CFAP251: variants seen among roughly 807,000 people sequenced by gnomAD.
CFAP251 encodes the protein cilia and flagella associated protein 251, also known as cilia- and flagella-associated protein 251.
A neutral mutation model predicts 126.7 loss-of-function variants in CFAP251; 93 were observed. The observed-to-expected ratio is 0.73, with a 90% CI of 0.62 to 0.87. The LOEUF (loss-of-function observed/expected upper bound fraction) is 0.87. Among genes scored for constraint, CFAP251 ranks in the 40% least tolerant of loss-of-function variants. CFAP251 has a pLI of 0.00. For missense variants in CFAP251, 1,287 were observed against 1,389.2 expected (o/e 0.93, Z 1.17); for synonymous variants, 503 against 506.9 (o/e 0.99, Z 0.10).
intron 5 of CFAP251, among the ~76,000 whole-genome samples, chr12:121,940,662 C>T (rs913663210): frequency 3.3e-5 from 5 of 152,188 alleles, no homozygotes; most frequent in East Asian, 3.8e-4. Flanking sequence ...CTTCCATCTT[C>T]GCTTCCACTG....
intron 19 of CFAP251, among the ~76,000 whole-genome samples, chr12:121,983,242 A>C (rs1882667209): frequency 6.6e-6 from 1 of 151,932 alleles, no homozygotes; most frequent in East Asian, 1.9e-4. Flanking sequence ...TCTCAAAAAA[A>C]AATTAGTTGG....
At chr12:121,977,960 GAAAAAT>G (rs1882510463) in intron 19 of CFAP251, among the ~76,000 whole-genome samples, 1 of 146,750 alleles carries the variant, frequency 6.8e-6, no homozygotes. Flanking sequence ...CTCCATCTCA[GAAAAAT>G]AAAAATAAAT....
chr12:121,928,644 A>ATATACG (rs1555215927), intron 3 of CFAP251, among the ~76,000 whole-genome samples: 14 of 35,384 alleles, frequency 4.0e-4, no homozygotes, highest in East Asian at 2.6e-3. Context: ...ATACGTATAT[A>ATATACG]TATATATATA....
rs564629198 is a variant in CFAP251, at chr12:121,934,173, C to T, written c.889-74C>T. 90 of 1,162,818 alleles carry T rather than the reference C, an allele frequency of 7.7e-5. No homozygotes were observed. In the South Asian group the frequency reaches 7.9e-4, roughly 10 times the overall value. The allele number at this position is 1,162,818 out of a possible 1,614,324, so 72.0% of individuals were successfully genotyped here. On this transcript the variant is annotated intron_variant, in intron 4 of 21. Transcript: ENST00000288912. Reference sequence around the variant, plus strand: ...GAGCTCAGATCTTTCTGTGGGTCCCCGGCCTTTGCTGATAGTGGCCAAGGC... The same window carrying T: ...GAGCTCAGATCTTTCTGTGGGTCCCTGGCCTTTGCTGATAGTGGCCAAGGC...
intron 21 of CFAP251, 119 bp downstream of exon 21, chr12:122,001,717 A>G: frequency 1.3e-6 from 1 of 775,828 alleles, no homozygotes; most frequent in Non-Finnish European, 2.3e-6. Flanking sequence ...CACATAACAA[A>G]GCATGTCTGT....
rs1355243465 is a variant in CFAP251 at position 121,992,221 on chromosome 12, T to C, written c.3007-7495T>C. On this transcript the variant is annotated intron_variant, in intron 19 of 21. Coordinates refer to ENST00000288912, the MANE Select transcript of CFAP251 (RefSeq NM_144668.6). ...ACAAGCTCTGCGTTCTATTTCCAGC[T>C]CCGAGGTTCCTCTCCCAAGCATGAA... 14 of 985,338 alleles carry C rather than the reference T, an allele frequency of 1.4e-5. No homozygotes were observed. In the East Asian group the frequency reaches 9.1e-4, roughly 64 times the overall value. 61.0% of individuals were successfully genotyped at this position (985,338 alleles called of 1,614,324 possible).
rs1486220307 is a variant in CFAP251, at chr12:121,975,552, A to G, written c.2873A>G (p.Asp958Gly). ...REGKFYRELE[D>G]YFYYSQLRSQ... is the part of the protein sequence containing the mutation. ...TGTATTCCTACATAGGAGCTAGAAG[A>G]CTACTTCTACTATTCTCAGCTCCGC... Residue 958 changes from aspartate to glycine, a missense_variant, in exon 19 of 22, where the codon GAC becomes GGC. Transcript: ENST00000288912. 1.2e-6 allele frequency: 2 copies of G among 1,608,368 alleles called. No homozygotes were observed. The highest frequency in any genetic ancestry group is 1.7e-5 in the Admixed American group (1 of 58,138).
In CFAP251 at chr12:122,001,482, CT is replaced by C. The variant is rs1305238119; in HGVS notation, c.3236-14del. 6.2e-7 allele frequency: 1 copy of C among 1,609,016 alleles called. No individual in the cohort carries two copies. The highest frequency in any genetic ancestry group is 1.1e-5 in the South Asian group (1 of 90,976). ...CAAGAGTTAAACAATCACCTTCTCA[CT>C]CTTTGACACACAGGTGAGCATATGA... On this transcript the variant is annotated splice_polypyrimidine_tract_variant and intron_variant, in intron 20 of 21. Transcript: ENST00000288912.
At chr12:121,927,431 G>A (rs1880462745) in intron 3 of CFAP251, among the ~76,000 whole-genome samples, 1 of 151,946 alleles carries the variant, frequency 6.6e-6, no homozygotes, top group Non-Finnish European at 1.5e-5. Context: ...TCATGTAGCT[G>A]GGATTATAGG....
rs749949583 is a variant in CFAP251 at position 121,921,519 on chromosome 12, A to G, written c.214A>G (p.Ile72Val). 5 of 1,613,766 alleles carry G rather than the reference A, an allele frequency of 3.1e-6. No homozygotes were observed. The highest frequency in any genetic ancestry group is 4.2e-6 in the Non-Finnish European group (5 of 1,179,882). Residue 72 changes from isoleucine to valine, a missense_variant, in exon 2 of 22, where the codon ATT becomes GTT. Ile to Val is a conservative substitution (Grantham distance 29). Transcript: ENST00000288912. ...GEEEGKEDKKIVMEETEEKAG... is the reference protein window; with the variant it reads ...GEEEGKEDKKVVMEETEEKAG... Reference sequence around the variant, plus strand: ...GGAGGAGGGGAAGGAGGACAAAAAGATTGTCATGGAAGAAACTGAGGAAAA... The same window carrying G: ...GGAGGAGGGGAAGGAGGACAAAAAGGTTGTCATGGAAGAAACTGAGGAAAA...
chr12:121,928,808 T>C (rs1412227628), intron 3 of CFAP251, among the ~76,000 whole-genome samples: 1 of 151,394 alleles, frequency 6.6e-6, no homozygotes, highest in African/African-American at 2.4e-5. Context: ...TCAATCCTCC[T>C]GCTTCAGCCT....
At chr12:122,003,102 G>T (rs900715213) in intron 21 of CFAP251, among the ~76,000 whole-genome samples, 29 of 152,132 alleles carry the variant, frequency 1.9e-4, no homozygotes, top group African/African-American at 6.5e-4. Context: ...ATGTGGTTAA[G>T]GCTTTCCAGT....
At chr12:121,992,565 T>C (rs1882900558) in intron 19 of CFAP251, 6 of 867,994 alleles carry the variant, frequency 6.9e-6, no homozygotes, top group Non-Finnish European at 8.3e-6. Context: ...TTTATATATA[T>C]TATTTCTTTT....
At position 121,954,306 on chromosome 12, in the gene CFAP251, G is replaced by T; in HGVS notation, c.1507G>T (p.Gly503Cys). 6.2e-7 allele frequency: 1 copy of T among 1,613,556 alleles called. No individual in the cohort carries two copies. The highest frequency in any genetic ancestry group is 1.1e-5 in the South Asian group (1 of 91,042). Reference protein sequence around the residue: ...PCKLVHLQKEGITVLTTIDSY... With the variant: ...PCKLVHLQKECITVLTTIDSY... ...TAAATTGGTTCATTTGCAGAAAGAG[G>T]GTATCACGGTACTTACCACAATTGA... The change falls in exon 10 of 22, where the codon GGT (glycine) becomes TGT (cysteine). Residue 503 changes from glycine to cysteine, a missense_variant. Coordinates refer to ENST00000288912, the MANE Select transcript of CFAP251 (RefSeq NM_144668.6).
At chr12:121,986,507 C>T (rs962080243) in intron 19 of CFAP251, among the ~76,000 whole-genome samples, 1 of 151,296 alleles carries the variant, frequency 6.6e-6, no homozygotes. Context: ...TTCACCGTCT[C>T]TACAGTGATC....
At chr12:121,955,561 C>G (rs927941253) in intron 10 of CFAP251, 3 of 152,108 alleles carry the variant, frequency 2.0e-5, no homozygotes, top group Admixed American at 2.0e-4. Flanking sequence ...TGGTGGCCAT[C>G]GTCAGTGTGT....
At position 121,957,620 on chromosome 12, in the gene CFAP251, T is replaced by C. The variant is rs565640747; in HGVS notation, c.1730+352T>C. ...TCGGGAGGCTGAGGCAGGAGAATGGTGTGAACCCGGGAGACGGAGCTTGCA... is the reference window on the plus strand; with the variant it reads ...TCGGGAGGCTGAGGCAGGAGAATGGCGTGAACCCGGGAGACGGAGCTTGCA... On this transcript the variant is annotated intron_variant, in intron 11 of 21. Coordinates refer to ENST00000288912, the MANE Select transcript of CFAP251 (RefSeq NM_144668.6). Among the ~76,000 whole-genome samples the C allele has an allele frequency of 1.3e-4, 19 of 146,826 alleles. No individual in the cohort carries two copies. The East Asian group carries it at 3.2e-3, about 25-fold the overall frequency.
At chr12:121,944,290 T>C (rs1466860083) in intron 7 of CFAP251, among the ~76,000 whole-genome samples, 1 of 152,180 alleles carries the variant, frequency 6.6e-6, no homozygotes, top group African/African-American at 2.4e-5. Flanking sequence ...CATATGTCCA[T>C]CTTCTTTCCT....
At chr12:121,991,703 C>T (rs1288411729) in intron 19 of CFAP251, among the ~76,000 whole-genome samples, 1 of 152,140 alleles carries the variant, frequency 6.6e-6, no homozygotes, top group Non-Finnish European at 1.5e-5. Flanking sequence ...CCAATTAAAT[C>T]AGGATCTCAG....
Sources: gnomAD v4.1 joint callset for allele counts (sites outside exome capture counted in the v4.1 genomes callset) on GRCh38, gnomAD v4.1.1 for gene constraint, MANE v1.5 for transcripts, NCBI Gene and HGNC (gene_info 2026-07-23, HGNC 2026-07-21) for gene names.